PLXND1: variants seen among roughly 807,000 people sequenced by gnomAD.
The protein encoded by PLXND1 is plexin-D1.
Under a neutral mutation model 197.7 loss-of-function variants are expected in PLXND1, and 54 were observed. That is an observed-to-expected ratio of 0.27 (90% confidence interval 0.22 to 0.34). The LOEUF (loss-of-function observed/expected upper bound fraction) is 0.34, where lower values mean the gene tolerates loss of function less well. Among genes scored for constraint, PLXND1 ranks in the 10% least tolerant of loss-of-function variants. The pLI, the probability that PLXND1 is intolerant of heterozygous loss-of-function variation, is 1.00. For synonymous variants in PLXND1, 1,180 were observed against 1,161.2 expected (o/e 1.02, Z -0.33); for missense variants, 2,127 against 2,699.2 (o/e 0.79, Z 4.70).
In PLXND1 at chr3:129,606,196, G is replaced by T. The variant is rs1483186110; in HGVS notation, c.444C>A (p.Cys148Ter). ...AGATGTTGCCCCGGCGCCGCAGCTG[G>T]CAGAAGCCCTGGTAGATGGACCCGC... ...VVCGSIYQGF[C>*]QLRRRGNISA... is the part of the protein sequence containing the mutation. The change falls in exon 1 of 36, where the codon TGC becomes TGA. Residue 148 changes from cysteine (C) to a stop codon, truncating the protein, a stop_gained. Coordinates refer to ENST00000324093, the MANE Select transcript of PLXND1 (RefSeq NM_015103.3). LOFTEE classifies it high-confidence loss of function. 1.3e-6 allele frequency: 2 copies of T among 1,566,478 alleles called. No individual in the cohort carries two copies. Among genetic ancestry groups the T allele is most frequent in the Admixed American group, 1.8e-5 (1 of 55,284 alleles).
chr3:129,560,911 T>A (rs2085048831), intron 29 of PLXND1, 188 bp from the exon 30 acceptor site: 1 of 682,940 alleles, frequency 1.5e-6, no homozygotes. Flanking sequence ...TCAGAGAGAA[T>A]GAGACAGAGA....
chr3:129,584,667 T>C lies in PLXND1; in HGVS notation c.1852-105A>G, dbSNP rs2085434952. On this transcript the variant is annotated intron_variant, in intron 5 of 35. Transcript: ENST00000324093. ...GGTCTGGCACTGCCTGAATGTCCCCTGGGGGAAGGGGTAGTGGTGGCCAGG... is the reference window on the plus strand; with the variant it reads ...GGTCTGGCACTGCCTGAATGTCCCCCGGGGGAAGGGGTAGTGGTGGCCAGG... 6.4e-6 allele frequency: 7 copies of C among 1,092,282 alleles called. No individual in the cohort carries two copies. The Admixed American group carries it at 7.6e-5, about 12-fold the overall frequency. The allele number at this position is 1,092,282 out of a possible 1,614,324, so 67.7% of individuals were successfully genotyped here. A position where few individuals can be genotyped will look rare whatever the true frequency, so the allele number is the denominator to read the frequency against.
chr3:129,586,790 G>A, intron 2 of PLXND1, 71 bp from the exon 3 acceptor site: 1 of 1,539,420 alleles, frequency 6.5e-7, no homozygotes, highest in Non-Finnish European at 8.8e-7. Context: ...GACAACCTGA[G>A]CCCGGGTCTG....
rs755531377 is a variant in PLXND1, at chr3:129,567,623, G to C, written c.3974-19C>G. The C allele has an allele frequency of 6.9e-6, 11 of 1,593,194 alleles. No individual in the cohort carries two copies. In the South Asian group the frequency reaches 8.9e-5, roughly 13 times the overall value. The stretch of plus-strand genomic sequence containing the variant: ...GCGAAGCCTGGCGGACACACGGACA[G>C]CCGTGAGCGGCCCGAGAACCCATCC... On this transcript the variant is annotated intron_variant, in intron 21 of 35. Transcript: ENST00000324093.
In PLXND1 at chr3:129,606,208, G is replaced by A. The variant is rs1188818172; in HGVS notation, c.432C>T (p.Tyr144=). 2.5e-6 allele frequency: 4 copies of A among 1,577,424 alleles called. No individual in the cohort carries two copies. The highest frequency in any genetic ancestry group is 2.4e-5 in the East Asian group (1 of 41,986). ...GGCGCCGCAGCTGGCAGAAGCCCTG[G>A]TAGATGGACCCGCACACGACTACCA... ...QGLVVVCGSI[Y]QGFCQLRRRG... Residue 144 remains tyrosine, a synonymous_variant, in exon 1 of 36, where the codon TAC becomes TAT. Coordinates refer to ENST00000324093, the MANE Select transcript of PLXND1 (RefSeq NM_015103.3).
chr3:129,579,542 C>T (rs2085359535), intron 8 of PLXND1, among the ~76,000 whole-genome samples: 1 of 152,186 alleles, frequency 6.6e-6, no homozygotes, highest in Non-Finnish European at 1.5e-5. Context: ...TGTTCTCCAG[C>T]TTTGGTGGCC....
chr3:129,583,599 G>C lies in PLXND1; in HGVS notation c.2209C>G (p.Gln737Glu). 1 of 1,613,850 alleles carries C rather than the reference G, an allele frequency of 6.2e-7. No homozygotes were observed. The highest frequency in any genetic ancestry group is 8.5e-7 in the Non-Finnish European group (1 of 1,179,896). ...CSQQHSCVSNQSRCEASPNPT... is the reference protein window; with the variant it reads ...CSQQHSCVSNESRCEASPNPT... ...TTTGGTGAGGCCTCGCACCGAGACTGGTTGGAAACACAGGAGTGCTGCTGG... is the reference window on the plus strand; with the variant it reads ...TTTGGTGAGGCCTCGCACCGAGACTCGTTGGAAACACAGGAGTGCTGCTGG... The change falls in exon 8 of 36, where the codon CAG becomes GAG. Residue 737 changes from glutamine to glutamate, a missense_variant. This residue lies in a region of PLXND1 where 1,095 missense variants were observed against 1,259.8 expected (regional missense o/e 0.87). Transcript: ENST00000324093.
chr3:129,605,386 C>A lies in PLXND1; in HGVS notation c.1254G>T (p.Val418=), dbSNP rs1227755623. 2.7e-6 allele frequency: 4 copies of A among 1,501,268 alleles called. No individual in the cohort carries two copies. Among genetic ancestry groups the A allele is most frequent in the Non-Finnish European group, 3.5e-6 (4 of 1,133,200 alleles). 93.0% of individuals were successfully genotyped at this position (1,501,268 alleles called of 1,614,324 possible). A position where few individuals can be genotyped will look rare whatever the true frequency, so the allele number is the denominator to read the frequency against. The change falls in exon 1 of 36, where the codon GTG becomes GTT. Residue 418 remains valine (V), a synonymous_variant. Transcript: ENST00000324093. The stretch of plus-strand genomic sequence containing the variant: ...CCGTGCCCTGCACCACGCTGTCGAG[C>A]ACCGCCACCACGTCGGGCGCCGGTT... The part of the protein sequence containing the change: ...FVEPAPDVVA[V]LDSVVQGTGP...
At position 129,565,427 on chromosome 3, in the gene PLXND1, G is replaced by A. The variant is rs529453432; in HGVS notation, c.4434C>T (p.Asn1478=). ...CTGTGCGCCGCAGCATGAGCTTGGG[G>A]TTCTTGGCGGCCGAGGCGTCAATGA... ...VDLIDASAAK[N]PKLMLRRTES... The change falls in exon 25 of 36, where the codon AAC becomes AAT. Residue 1478 remains asparagine, a synonymous_variant. Coordinates refer to ENST00000324093, the MANE Select transcript of PLXND1 (RefSeq NM_015103.3). The A allele has an allele frequency of 1.1e-4, 185 of 1,614,128 alleles. 6 individuals are homozygous for A. In the South Asian group the frequency reaches 1.9e-3, roughly 17 times the overall value.
intron 2 of PLXND1, among the ~76,000 whole-genome samples, chr3:129,587,217 TCC>T (rs1015987407): frequency 2.6e-5 from 4 of 151,792 alleles, no homozygotes; most frequent in Non-Finnish European, 1.5e-5. Context: ...GTCTCATTCC[TCC>T]CCCCGACGCC....
chr3:129,586,084 G>A lies in PLXND1; in HGVS notation c.1722-3C>T, dbSNP rs2085455028. On this transcript the variant is annotated splice_polypyrimidine_tract_variant and splice_region_variant and intron_variant, in intron 4 of 35. Transcript: ENST00000324093. ...TGCAGTCCTGCTGCAAGGTGCACCT[G>A]GGGTGGCACCGCAGGGTCAGGACCC... The A allele has an allele frequency of 7.4e-6, 12 of 1,613,802 alleles. No individual in the cohort carries two copies. The East Asian group carries it at 2.7e-4, about 36-fold the overall frequency.
Position 129,584,372 on chromosome 3 carries a change from A to G in PLXND1, c.2029+13T>C, listed in dbSNP as rs752975352. Reference sequence around the variant, plus strand: ...GCCCCTCTGGGGCTGTGCCAACAGCACAGCGTGCTTACCCTGGTTGGGGGG... The same window carrying G: ...GCCCCTCTGGGGCTGTGCCAACAGCGCAGCGTGCTTACCCTGGTTGGGGGG... On this transcript the variant is annotated intron_variant, in intron 6 of 35. Transcript: ENST00000324093. 1 of 1,610,512 alleles carries G rather than the reference A, an allele frequency of 6.2e-7. No homozygotes were observed. Among genetic ancestry groups the G allele is most frequent in the Admixed American group, 1.7e-5 (1 of 59,516 alleles).
rs72990040 is a variant in PLXND1, at chr3:129,586,707, C to T, written c.1501G>A (p.Glu501Lys). ...CGCCTGCTCACCACCTGCATGCTCTCGTTCAGGTTGATCTGTGGGGGTAGT... is the reference window on the plus strand; with the variant it reads ...CGCCTGCTCACCACCTGCATGCTCTTGTTCAGGTTGATCTGTGGGGGTAGT... ...NGRLLKINLN[E>K]SMQVVSRRVV... The change falls in exon 3 of 36, where the codon GAG (glutamate) becomes AAG (lysine). Residue 501 changes from glutamate (E) to lysine (K), a missense_variant. Glu to Lys is a moderately conservative substitution (Grantham distance 56). This residue lies in a region of PLXND1 where 1,095 missense variants were observed against 1,259.8 expected (regional missense o/e 0.87). Transcript: ENST00000324093. 7.5e-4 allele frequency: 1,196 copies of T among 1,599,552 alleles called. 8 individuals are homozygous for T. In the African/African-American group the frequency reaches 0.013, roughly 18 times the overall value.
In PLXND1 at chr3:129,606,262, C is replaced by G; in HGVS notation, c.378G>C (p.Lys126Asn). 6.4e-7 allele frequency: 1 copy of G among 1,564,904 alleles called. No individual in the cohort carries two copies. ...CCTGGCCGGGGTCCAGCTGCAGGAT[C>G]TTGTTGTAGTTGTCCGTGAGGCGCC... ...HPRRLTDNYN[K>N]ILQLDPGQGL... is the part of the protein sequence containing the mutation. Residue 126 changes from lysine (K) to asparagine (N), a missense_variant, in exon 1 of 36, where the codon AAG (lysine) becomes AAC (asparagine). Around this residue, in one of 6 missense-constraint regions of PLXND1, gnomAD observed 245 missense variants for 267.1 expected, o/e 0.92. Transcript: ENST00000324093.
Position 129,583,568 on chromosome 3 carries a change from G to C in PLXND1, c.2240C>G (p.Thr747Arg), listed in dbSNP as rs200002798. Residue 747 changes from threonine to arginine, a missense_variant and splice_region_variant, in exon 8 of 36, where the codon ACG becomes AGG. Transcript: ENST00000324093. ...QSRCEASPNP[T>R]SPQDCPRTLL... ...GAGGGGCCCCCTAGCCTGGCTTACC[G>C]TGGGGTTTGGTGAGGCCTCGCACCG... The C allele has an allele frequency of 6.2e-7, 1 of 1,608,978 alleles. No homozygotes were observed. Among genetic ancestry groups the C allele is most frequent in the East Asian group, 2.2e-5 (1 of 44,800 alleles).
chr3:129,571,429 T>G, intron 17 of PLXND1, 80 bp downstream of exon 17: 1 of 1,520,502 alleles, frequency 6.6e-7, no homozygotes, highest in Non-Finnish European at 9.1e-7. Context: ...AGAGATGCAG[T>G]GGGAGGAGGC....
At chr3:129,598,391 G>A (rs1319135739) in intron 1 of PLXND1, among the ~76,000 whole-genome samples, 1 of 152,042 alleles carries the variant, frequency 6.6e-6, no homozygotes, top group Non-Finnish European at 1.5e-5. Context: ...TCTCTCTTGG[G>A]GGCTGTCCTG....
At chr3:129,567,436 C>T (rs951627836) in intron 22 of PLXND1, 56 bp downstream of exon 22, 16 of 1,017,490 alleles carry the variant, frequency 1.6e-5, no homozygotes, top group Admixed American at 7.9e-5. Flanking sequence ...TCAGAGAGGT[C>T]GAGTTGCCTT....
intron 1 of PLXND1, among the ~76,000 whole-genome samples, chr3:129,601,134 T>C (rs2085701997): frequency 6.6e-6 from 1 of 152,016 alleles, no homozygotes; most frequent in Admixed American, 6.6e-5. Flanking sequence ...TCCAAACAGG[T>C]TGTGATTTGA....
Sources: gnomAD v4.1 joint callset for allele counts (sites outside exome capture counted in the v4.1 genomes callset) on GRCh38, gnomAD v4.1.1 for gene constraint, gnomAD v4.1.1 regional missense constraint, MANE v1.5 for transcripts, NCBI Gene and HGNC (gene_info 2026-07-23, HGNC 2026-07-21) for gene names.